DAB1: variants seen among roughly 807,000 people sequenced by gnomAD.
DAB1 encodes DAB adaptor protein 1.
In DAB1, 15 loss-of-function variants were observed where a neutral mutation model predicts 64.6. The observed-to-expected ratio is 0.23, with a 90% CI of 0.16 to 0.36. DAB1 has a LOEUF of 0.36. DAB1 is among the 10% of genes least tolerant of loss of function. The pLI, the probability that DAB1 is intolerant of heterozygous loss-of-function variation, is 1.00. For missense variants in DAB1, 596 were observed against 706.7 expected, an observed-to-expected ratio of 0.84 and a Z score of 1.78; for synonymous variants, 235 against 251.9, an observed-to-expected ratio of 0.93 and a Z score of 0.64.
chr1:57,507,850 C>T (rs1175459829), intron 7 of DAB1, among the ~76,000 whole-genome samples: 1 of 152,182 alleles, frequency 6.6e-6, no homozygotes, highest in Non-Finnish European at 1.5e-5. Context: ...TGCCTCCTAC[C>T]TTTTGCTGAT....
At chr1:58,215,421 C>T (rs1359959946) in intron 4 of DAB1, among the ~76,000 whole-genome samples, 2 of 148,086 alleles carry the variant, frequency 1.4e-5, no homozygotes, top group Admixed American at 6.7e-5. Flanking sequence ...TTTTTTTTAC[C>T]GTATTAATAT....
At chr1:57,890,456 CTT>C (rs71246207) in intron 5 of DAB1, among the ~76,000 whole-genome samples, 2 of 136,608 alleles carry the variant, frequency 1.5e-5, no homozygotes, top group Non-Finnish European at 3.1e-5. Context: ...CTTTTCTTTT[CTT>C]TTTTTTTTTT....
chr1:57,858,058 G>A (rs2101937176), intron 1 of DAB1, among the ~76,000 whole-genome samples: 1 of 152,110 alleles, frequency 6.6e-6, no homozygotes, highest in South Asian at 2.1e-4. Context: ...TCTTAATTAT[G>A]TCACTTTTCA....
At chr1:57,025,510 G>A (rs61767018) in intron 10 of DAB1, among the ~76,000 whole-genome samples, 1 of 152,166 alleles carries the variant, frequency 6.6e-6, no homozygotes, top group Non-Finnish European at 1.5e-5. Flanking sequence ...AGGATGGGCA[G>A]AGCAGGGTGT....
intron 6 of DAB1, among the ~76,000 whole-genome samples, chr1:57,759,605 G>T (rs1321930527): frequency 1.3e-5 from 2 of 152,122 alleles, no homozygotes; most frequent in African/African-American, 4.8e-5. Flanking sequence ...AATCTGCATT[G>T]TTTCATTTTG....
chr1:57,031,353 A>G (rs886981754), intron 9 of DAB1, among the ~76,000 whole-genome samples: 5 of 152,200 alleles, frequency 3.3e-5, no homozygotes, highest in African/African-American at 1.2e-4. Flanking sequence ...AAGCTAATAA[A>G]CCATGTTCCA....
At chr1:58,390,140 G>A (rs61779026) in intron 3 of DAB1, among the ~76,000 whole-genome samples, 3 of 152,068 alleles carry the variant, frequency 2.0e-5, no homozygotes, top group African/African-American at 7.3e-5. Context: ...GCTATCTATT[G>A]GTAATAAAAA....
chr1:57,637,634 C>A (rs1183360849), intron 7 of DAB1, among the ~76,000 whole-genome samples: 3 of 151,998 alleles, frequency 2.0e-5, no homozygotes, highest in South Asian at 2.1e-4. Context: ...TAGACAAGGG[C>A]CAGGGTATGA....
intron 7 of DAB1, among the ~76,000 whole-genome samples, chr1:57,518,728 T>C (rs1391167159): frequency 6.6e-6 from 1 of 152,166 alleles, no homozygotes; most frequent in African/African-American, 2.4e-5. Flanking sequence ...TCTCAACCCA[T>C]CCCTAATGCC....
At chr1:57,617,301 C>G (rs1452967794) in intron 7 of DAB1, among the ~76,000 whole-genome samples, 1 of 152,042 alleles carries the variant, frequency 6.6e-6, no homozygotes, top group East Asian at 1.9e-4. Context: ...GAGGTTAGCC[C>G]CCTGCCTCAA....
intron 6 of DAB1, among the ~76,000 whole-genome samples, chr1:57,790,685 A>C (rs1650553497): frequency 6.6e-6 from 1 of 152,196 alleles, no homozygotes; most frequent in Non-Finnish European, 1.5e-5. Flanking sequence ...ATGAACTTTT[A>C]ATAACAGAAA....
chr1:57,445,216 T>C (rs1263356247), intron 7 of DAB1, among the ~76,000 whole-genome samples: 1 of 152,150 alleles, frequency 6.6e-6, no homozygotes, highest in Non-Finnish European at 1.5e-5. Context: ...GGACTCATCT[T>C]ACAAAAATAA....
chr1:57,486,717 C>T (rs1644096494), intron 7 of DAB1, among the ~76,000 whole-genome samples: 2 of 152,024 alleles, frequency 1.3e-5, no homozygotes, highest in Admixed American at 6.6e-5. Flanking sequence ...AGCCAGTAGG[C>T]TCAGCTTCAG....
chr1:57,675,522 T>C (rs546699103), intron 6 of DAB1, among the ~76,000 whole-genome samples: 32 of 152,342 alleles, frequency 2.1e-4, no homozygotes, highest in African/African-American at 4.8e-4. Flanking sequence ...ACTATCTCTA[T>C]GTCCTCAATG....
chr1:57,751,173 GGAA>G (rs1648532546), intron 6 of DAB1, among the ~76,000 whole-genome samples: 1 of 152,142 alleles, frequency 6.6e-6, no homozygotes, highest in African/African-American at 2.4e-5. Flanking sequence ...GAGGTGAAGG[GGAA>G]GAATAGGAGA....
intron 4 of DAB1, among the ~76,000 whole-genome samples, chr1:57,120,387 A>G (rs999026638): frequency 6.6e-6 from 1 of 152,188 alleles, no homozygotes; most frequent in East Asian, 1.9e-4. Context: ...CCTGCTTTCA[A>G]GGGATCTGAA....
chr1:57,218,472 G>C (rs1177575331), intron 2 of DAB1, among the ~76,000 whole-genome samples: 1 of 137,248 alleles, frequency 7.3e-6, no homozygotes, highest in South Asian at 2.4e-4. Flanking sequence ...TTGGGCTCAG[G>C]AGTTTGAGGC....
At chr1:58,286,384 C>A (rs542886236) in intron 4 of DAB1, among the ~76,000 whole-genome samples, 1 of 152,264 alleles carries the variant, frequency 6.6e-6, no homozygotes, top group African/African-American at 2.4e-5. Flanking sequence ...AGACAACCTA[C>A]CAAATGGAAG....
chr1:57,367,543 A>C (rs1229565767), intron 1 of DAB1, among the ~76,000 whole-genome samples: 1 of 152,202 alleles, frequency 6.6e-6, no homozygotes, highest in Non-Finnish European at 1.5e-5. Context: ...AAATGCTCCC[A>C]AAATGGCAGC....
Sources: gnomAD v4.1 joint callset for allele counts (sites outside exome capture counted in the v4.1 genomes callset) on GRCh38, gnomAD v4.1.1 for gene constraint, MANE v1.5 for transcripts, NCBI Gene and HGNC (gene_info 2026-07-23, HGNC 2026-07-21) for gene names.